The following ROBO1 variants were observed in gnomAD, a reference collection of about 807,000 sequenced individuals.
The protein encoded by ROBO1 is roundabout homolog 1.
A neutral mutation model predicts 195.9 loss-of-function variants in ROBO1; 149 were observed. The observed-to-expected ratio is 0.76, with a 90% CI of 0.67 to 0.87. The LOEUF is 0.87. Among genes scored for constraint, ROBO1 ranks in the 40% least tolerant of loss-of-function variants. ROBO1 has a pLI of 0.00. For missense variants in ROBO1, 1,933 were observed against 2,068.3 expected (o/e 0.93, Z 1.27); for synonymous variants, 816 against 733.2 (o/e 1.11, Z -1.82).
chr3:78,806,644 G>A (rs2084549918), intron 4 of ROBO1, among the ~76,000 whole-genome samples: 1 of 152,054 alleles, frequency 6.6e-6, no homozygotes, highest in African/African-American at 2.4e-5. Context: ...AGACCCTGAA[G>A]TATTCTATTA....
chr3:79,612,341 C>A (rs1944686788), intron 1 of ROBO1, among the ~76,000 whole-genome samples: 1 of 145,314 alleles, frequency 6.9e-6, no homozygotes, highest in African/African-American at 2.6e-5. Flanking sequence ...CATCCATGTC[C>A]CTACAAAGGA....
At chr3:79,100,187 T>C (rs1481183589) in intron 3 of ROBO1, among the ~76,000 whole-genome samples, 1 of 151,890 alleles carries the variant, frequency 6.6e-6, no homozygotes, top group East Asian at 1.9e-4. Context: ...CTGGGCACCA[T>C]CATTCTTTTT....
intron 4 of ROBO1, among the ~76,000 whole-genome samples, chr3:78,846,960 A>G (rs2033709360): frequency 6.6e-6 from 1 of 152,156 alleles, no homozygotes; most frequent in South Asian, 2.1e-4. Flanking sequence ...AAGGGGAAAC[A>G]CAGCTGCTAC....
intron 4 of ROBO1, among the ~76,000 whole-genome samples, chr3:78,780,564 A>G (rs1161407061): frequency 1.3e-5 from 2 of 152,016 alleles, no homozygotes; most frequent in African/African-American, 4.8e-5. Flanking sequence ...CTGCCAAAAT[A>G]ATTTTAACGT....
Position 79,353,053 on chromosome 3 carries a change from T to C in ROBO1, c.89-227514A>G, listed in dbSNP as rs530910060. Among the ~76,000 whole-genome samples the C allele has an allele frequency of 2.2e-3, 341 of 152,304 alleles. 1 individual carries two copies. Among genetic ancestry groups the C allele is most frequent in the African/African-American group, 7.2e-3 (299 of 41,570 alleles). The stretch of plus-strand genomic sequence containing the variant: ...CTTATAACACTAACTCTTTAGTTAA[T>C]AGACAACTTATTACTGACAAACTAT... On this transcript the variant is annotated intron_variant, in intron 2 of 30. Coordinates refer to ENST00000464233, the MANE Select transcript of ROBO1 (RefSeq NM_002941.4).
chr3:79,488,270 T>C (rs919113522), intron 2 of ROBO1, among the ~76,000 whole-genome samples: 2 of 152,204 alleles, frequency 1.3e-5, no homozygotes, highest in African/African-American at 4.8e-5. Context: ...TCCAATATTC[T>C]CTGTCTCTTC....
intron 2 of ROBO1, among the ~76,000 whole-genome samples, chr3:79,288,555 T>C (rs1038604538): frequency 2.0e-5 from 3 of 152,202 alleles, no homozygotes; most frequent in African/African-American, 4.8e-5. Context: ...GTTTGCCCAG[T>C]TGCAATCTTG....
At position 79,084,446 on chromosome 3, in the gene ROBO1, C is replaced by T. The variant is rs565079289; in HGVS notation, c.172+41010G>A. ...CCAGGAGGCAGAGGTTGCAGTGAGC[C>T]GAGATCGCCCATTGCACTCCAGCCT... On this transcript the variant is annotated intron_variant, in intron 3 of 30. Transcript: ENST00000464233. 9.9e-5 allele frequency among the ~76,000 whole-genome samples: 15 copies of T among 152,164 alleles called. No individual in the cohort carries two copies. In the East Asian group the frequency reaches 2.7e-3, roughly 28 times the overall value.
chr3:79,701,255 T>C (rs1576252281), intron 1 of ROBO1, among the ~76,000 whole-genome samples: 1 of 151,808 alleles, frequency 6.6e-6, no homozygotes, highest in Non-Finnish European at 1.5e-5. Flanking sequence ...AATCAAGTGA[T>C]GCAATGCCTC....
intron 2 of ROBO1, among the ~76,000 whole-genome samples, chr3:79,348,635 T>G (rs1362712680): frequency 6.6e-6 from 1 of 152,138 alleles, no homozygotes; most frequent in Non-Finnish European, 1.5e-5. Context: ...CATTAAATAA[T>G]AAATAATTTT....
chr3:79,682,913 A>G (rs902618020), intron 1 of ROBO1, among the ~76,000 whole-genome samples: 8 of 152,012 alleles, frequency 5.3e-5, no homozygotes, highest in African/African-American at 1.9e-4. Flanking sequence ...GTGGGTCTTG[A>G]AGGAAGTGAA....
intron 2 of ROBO1, among the ~76,000 whole-genome samples, chr3:79,412,358 G>A (rs1011752924): frequency 2.6e-5 from 4 of 152,052 alleles, no homozygotes; most frequent in African/African-American, 9.7e-5. Flanking sequence ...TCTTCCATAT[G>A]TTTGTCAACA....
At chr3:79,019,476 C>A (rs1474654662) in intron 3 of ROBO1, 2 of 986,374 alleles carry the variant, frequency 2.0e-6, no homozygotes, top group East Asian at 1.1e-4. Context: ...GGGTTTCCCC[C>A]ACAGTCCCCG....
intron 3 of ROBO1, among the ~76,000 whole-genome samples, chr3:78,974,091 T>A (rs566014165): frequency 9.9e-5 from 15 of 152,262 alleles, no homozygotes; most frequent in Non-Finnish European, 1.8e-4. Flanking sequence ...AAAAACATCA[T>A]TAGCGAATAA....
intron 2 of ROBO1, among the ~76,000 whole-genome samples, chr3:79,262,010 A>G (rs188517301): frequency 1.3e-3 from 200 of 152,194 alleles, no homozygotes; most frequent in African/African-American, 4.7e-3. Context: ...AAAATTGATT[A>G]AACATATTCT....
intron 3 of ROBO1, among the ~76,000 whole-genome samples, chr3:79,005,812 A>T (rs1023537713): frequency 6.6e-6 from 1 of 152,100 alleles, no homozygotes; most frequent in African/African-American, 2.4e-5. Flanking sequence ...ATGATTACTG[A>T]CCCTTCAGAG....
intron 4 of ROBO1, among the ~76,000 whole-genome samples, chr3:78,878,028 C>G (rs1192044870): frequency 5.3e-5 from 8 of 152,130 alleles, no homozygotes; most frequent in African/African-American, 1.9e-4. Context: ...TGCATATCCT[C>G]CCATCACCTT....
At chr3:79,630,247 A>C (rs1341089778) in intron 1 of ROBO1, among the ~76,000 whole-genome samples, 1 of 152,054 alleles carries the variant, frequency 6.6e-6, no homozygotes, top group Admixed American at 6.6e-5. Flanking sequence ...GCTGTACCAA[A>C]TGCTAGGAAG....
Position 78,717,896 on chromosome 3 carries a change from G to C in ROBO1, c.658-13C>G. 6.2e-7 allele frequency: 1 copy of C among 1,611,280 alleles called. No individual in the cohort carries two copies. The highest frequency in any genetic ancestry group is 8.5e-7 in the Non-Finnish European group (1 of 1,178,364). On this transcript the variant is annotated splice_polypyrimidine_tract_variant and intron_variant, in intron 5 of 30. Transcript: ENST00000464233. ...TTCCTCCTCGTATCTTAAAAAAAAA[G>C]TTTCACAGGAATACTATTAAAATTG...
Sources: gnomAD v4.1 joint callset for allele counts (sites outside exome capture counted in the v4.1 genomes callset) on GRCh38, gnomAD v4.1.1 for gene constraint, MANE v1.5 for transcripts, NCBI Gene and HGNC (gene_info 2026-07-23, HGNC 2026-07-21) for gene names.